The following AMBRA1 variants were observed in gnomAD, a reference collection of about 807,000 sequenced individuals.
The protein encoded by AMBRA1 is activating molecule in BECN1-regulated autophagy protein 1.
In AMBRA1, 47 loss-of-function variants were observed where a neutral mutation model predicts 125.4. The observed-to-expected ratio is 0.37, with a 90% CI of 0.30 to 0.48. AMBRA1 has a LOEUF of 0.48. Ranked by LOEUF, AMBRA1 falls within the 20% of genes least tolerant of loss-of-function variation. The probability of loss-of-function intolerance (pLI) is 0.99; values close to 1 mark genes in which losing one functional copy is unlikely to be tolerated. For synonymous variants in AMBRA1, 626 were observed against 655.5 expected, an observed-to-expected ratio of 0.95 and a Z score of 0.69; for missense variants, 1,331 against 1,693.4, an observed-to-expected ratio of 0.79 and a Z score of 3.76.
At chr11:46,448,774 C>T (rs950741695) in intron 11 of AMBRA1, among the ~76,000 whole-genome samples, 1 of 152,092 alleles carries the variant, frequency 6.6e-6, no homozygotes, top group Admixed American at 6.5e-5. Flanking sequence ...CACTACTGAT[C>T]CCATGGACAC....
At chr11:46,467,549 C>G (rs1278751653) in intron 11 of AMBRA1, among the ~76,000 whole-genome samples, 1 of 134,294 alleles carries the variant, frequency 7.4e-6, no homozygotes, top group African/African-American at 2.7e-5. Flanking sequence ...CTATGTTACT[C>G]TTTTTTTTTT....
At chr11:46,447,248 A>G (rs982880455) in intron 11 of AMBRA1, among the ~76,000 whole-genome samples, 4 of 152,086 alleles carry the variant, frequency 2.6e-5, no homozygotes, top group Admixed American at 2.6e-4. Context: ...CGCAAAAAAA[A>G]AAAAGGCCAC....
chr11:46,402,757 A>G (rs1206988865), intron 17 of AMBRA1, among the ~76,000 whole-genome samples: 2 of 152,234 alleles, frequency 1.3e-5, no homozygotes, highest in African/African-American at 4.8e-5. Flanking sequence ...CCTTGAATTC[A>G]TGGTGCCGAA....
chr11:46,480,589 T>G (rs990786147), intron 11 of AMBRA1, among the ~76,000 whole-genome samples: 29 of 152,348 alleles, frequency 1.9e-4, no homozygotes, highest in Admixed American at 1.4e-3. Flanking sequence ...CAACTGGCAG[T>G]TTTTTGTTCT....
At chr11:46,552,323 G>GGCA (rs1360337799) in intron 1 of AMBRA1, among the ~76,000 whole-genome samples, 1 of 114,694 alleles carries the variant, frequency 8.7e-6, no homozygotes, top group Non-Finnish European at 1.7e-5. Flanking sequence ...GAGCCAAGAT[G>GGCA]GCACCACTGC....
chr11:46,518,979 G>C (rs557955174), intron 7 of AMBRA1, among the ~76,000 whole-genome samples: 1 of 152,258 alleles, frequency 6.6e-6, no homozygotes, highest in South Asian at 2.1e-4. Context: ...AAGAAAAAAA[G>C]TGGTCGGAGC....
chr11:46,554,429 C>T (rs1043732127), intron 1 of AMBRA1, among the ~76,000 whole-genome samples: 1 of 152,004 alleles, frequency 6.6e-6, no homozygotes, highest in Admixed American at 6.6e-5. Flanking sequence ...AATATCAATA[C>T]CAAGAAAAAA....
At position 46,519,213 on chromosome 11, in the gene AMBRA1, G is replaced by A. The variant is rs185581674; in HGVS notation, c.2073-6400C>T. Among the ~76,000 whole-genome samples, 39 of 152,134 alleles carry A rather than the reference G, an allele frequency of 2.6e-4. No individual in the cohort carries two copies. In the East Asian group the frequency reaches 3.7e-3, roughly 14 times the overall value. ...TAATTTTTGTATTTTTAGTAGAGAC[G>A]GGATTTCACCATGTTGTCCAGGCTG... is the stretch of plus-strand genomic sequence containing the variant. On this transcript the variant is annotated intron_variant, in intron 7 of 17. Transcript: ENST00000683756.
chr11:46,432,213 T>G (rs1947488376), intron 14 of AMBRA1, among the ~76,000 whole-genome samples: 1 of 152,106 alleles, frequency 6.6e-6, no homozygotes, highest in African/African-American at 2.4e-5. Flanking sequence ...CAGTTTGGTG[T>G]GACAAGTACT....
intron 17 of AMBRA1, among the ~76,000 whole-genome samples, chr11:46,407,374 T>G (rs963005740): frequency 6.6e-6 from 1 of 152,138 alleles, no homozygotes; most frequent in South Asian, 2.1e-4. Flanking sequence ...GTGGTTCCCT[T>G]TTGCCTGGCC....
At chr11:46,482,148 T>C (rs575487851) in intron 11 of AMBRA1, among the ~76,000 whole-genome samples, 9 of 152,310 alleles carry the variant, frequency 5.9e-5, no homozygotes, top group African/African-American at 2.2e-4. Context: ...TCCCTATGAA[T>C]TTTAGGATTG....
chr11:46,577,447 CA>C (rs2043995894), intron 1 of AMBRA1, among the ~76,000 whole-genome samples: 2 of 151,908 alleles, frequency 1.3e-5, no homozygotes, highest in Non-Finnish European at 2.9e-5. Flanking sequence ...TGATGGTTAT[CA>C]GGGGCTGGAG....
intron 11 of AMBRA1, among the ~76,000 whole-genome samples, chr11:46,487,182 C>T (rs990928897): frequency 7.9e-5 from 12 of 151,710 alleles, no homozygotes; most frequent in African/African-American, 2.9e-4. Context: ...AGCTTGAGAC[C>T]AGCAGGTTGA....
At chr11:46,488,691 A>G (rs1950350352) in intron 11 of AMBRA1, among the ~76,000 whole-genome samples, 1 of 152,196 alleles carries the variant, frequency 6.6e-6, no homozygotes, top group Non-Finnish European at 1.5e-5. Flanking sequence ...TCTCTAGAAG[A>G]GCCTATATAC....
At chr11:46,433,695 T>C (rs1947562394) in intron 13 of AMBRA1, 67 bp from the exon 14 acceptor site, 9 of 1,513,676 alleles carry the variant, frequency 5.9e-6, no homozygotes, top group Non-Finnish European at 6.3e-6. Context: ...CAACTTTCAC[T>C]CTTACTCTTG....
Position 46,545,748 on chromosome 11 carries a change from C to T in AMBRA1, c.407G>A (p.Ser136Asn). The change falls in exon 5 of 18, where the codon AGC (serine) becomes AAC (asparagine). Residue 136 changes from serine (S) to asparagine (N), a missense_variant. Coordinates refer to ENST00000683756, the MANE Select transcript of AMBRA1 (RefSeq NM_001387011.1). ...HGGSESWFTD[S>N]NNAIASLAFH... ...AGCCAGGGAGGCAATGGCATTGTTG[C>T]TATCTGTGAACCAGCTTTCACTGCC... is the stretch of plus-strand genomic sequence containing the variant. The T allele has an allele frequency of 6.2e-7, 1 of 1,614,184 alleles. No homozygotes were observed.
At chr11:46,443,831 T>C (rs1192926823) in intron 11 of AMBRA1, among the ~76,000 whole-genome samples, 1 of 152,222 alleles carries the variant, frequency 6.6e-6, no homozygotes, top group African/African-American at 2.4e-5. Context: ...GTCCTTCCCA[T>C]TGTTACTTAA....
At chr11:46,501,600 T>C (rs1251377023) in intron 9 of AMBRA1, among the ~76,000 whole-genome samples, 1 of 152,276 alleles carries the variant, frequency 6.6e-6, no homozygotes, top group Non-Finnish European at 1.5e-5. Context: ...CCTGTTTATG[T>C]TTTAACTACA....
intron 1 of AMBRA1, among the ~76,000 whole-genome samples, chr11:46,562,472 A>G (rs746326768): frequency 6.6e-6 from 1 of 152,256 alleles, no homozygotes; most frequent in Non-Finnish European, 1.5e-5. Context: ...TTATAGCAAT[A>G]TAAGAGATGA....
Sources: allele counts gnomAD v4.1 joint callset (sites outside exome capture counted in the v4.1 genomes callset), GRCh38; gene constraint gnomAD v4.1.1; transcripts MANE v1.5; gene names NCBI Gene and HGNC (gene_info 2026-07-23, HGNC 2026-07-21).